The following SNX3 variants were observed in gnomAD, a reference collection of about 807,000 sequenced individuals.
SNX3 encodes sorting nexin 3, also known as sorting nexin-3.
In SNX3, 5 loss-of-function variants were observed where a neutral mutation model predicts 17.7. The ratio of observed to expected loss-of-function variants is 0.28; its 90% CI spans 0.15 to 0.59. The LOEUF (loss-of-function observed/expected upper bound fraction) is 0.59. SNX3 is among the 20% of genes least tolerant of loss of function. The probability of loss-of-function intolerance (pLI) is 0.88; values close to 1 mark genes in which losing one functional copy is unlikely to be tolerated. For missense variants in SNX3, 132 were observed against 206.8 expected, an observed-to-expected ratio of 0.64 and a Z score of 2.22; for synonymous variants, 91 against 76.5, an observed-to-expected ratio of 1.19 and a Z score of -0.99.
intron 3 of SNX3, 82 bp from the exon 4 acceptor site, chr6:108,212,336 C>T (rs1448974299): frequency 1.0e-6 from 1 of 976,094 alleles, no homozygotes; most frequent in Non-Finnish European, 1.5e-6. Flanking sequence ...AGTTGAGAAG[C>T]ATGTATAATT....
At chr6:108,249,713 C>T (rs767916972) in intron 1 of SNX3, among the ~76,000 whole-genome samples, 1 of 152,034 alleles carries the variant, frequency 6.6e-6, no homozygotes, top group Admixed American at 6.6e-5. Flanking sequence ...AGTGGGATGA[C>T]AACACAAAGT....
intron 1 of SNX3, among the ~76,000 whole-genome samples, chr6:108,225,105 C>T (rs1774935094): frequency 6.6e-6 from 1 of 151,926 alleles, no homozygotes; most frequent in South Asian, 2.1e-4. Flanking sequence ...ACAGGTGAAA[C>T]CTCGTTTCTA....
At chr6:108,240,356 T>C (rs1775478507) in intron 1 of SNX3, among the ~76,000 whole-genome samples, 2 of 152,128 alleles carry the variant, frequency 1.3e-5, no homozygotes. Flanking sequence ...GTAGCTGGGA[T>C]TACCGGCACC....
At chr6:108,231,206 C>A (rs1362093113) in intron 1 of SNX3, among the ~76,000 whole-genome samples, 1 of 152,020 alleles carries the variant, frequency 6.6e-6, no homozygotes, top group Non-Finnish European at 1.5e-5. Flanking sequence ...CTGCCTCAGC[C>A]TTCCGAGTAG....
At chr6:108,244,511 A>C (rs561571922) in intron 1 of SNX3, among the ~76,000 whole-genome samples, 3 of 152,280 alleles carry the variant, frequency 2.0e-5, no homozygotes, top group African/African-American at 7.2e-5. Flanking sequence ...ATAATATAAA[A>C]TTATTTTAAG....
At chr6:108,223,463 C>T (rs1042874189) in intron 1 of SNX3, among the ~76,000 whole-genome samples, 1 of 147,552 alleles carries the variant, frequency 6.8e-6, no homozygotes, top group Admixed American at 6.8e-5. Context: ...TTAATATGAC[C>T]TTTTACCCAT....
chr6:108,244,029 A>G (rs1775608384), intron 1 of SNX3, among the ~76,000 whole-genome samples: 1 of 152,246 alleles, frequency 6.6e-6, no homozygotes, highest in Non-Finnish European at 1.5e-5. Context: ...CAGATAAAGT[A>G]GACTGTAAAA....
At chr6:108,246,313 CTTTTTTTTTTTTTT>C (rs71015538) in intron 1 of SNX3, among the ~76,000 whole-genome samples, 22 of 47,972 alleles carry the variant, frequency 4.6e-4, no homozygotes, top group African/African-American at 1.6e-3. Context: ...TTTGAGCATT[CTTTTTTTTTTTTTT>C]TTTTTTTTTT....
chr6:108,234,361 T>C (rs1274846322), intron 1 of SNX3, among the ~76,000 whole-genome samples: 1 of 152,070 alleles, frequency 6.6e-6, no homozygotes, highest in Non-Finnish European at 1.5e-5. Flanking sequence ...AAGACCAGCC[T>C]GGCCAATATG....
rs1214547916 is a variant in SNX3, at chr6:108,260,879, G to A, written c.43C>T (p.Pro15Ser). ...CCGTAGGCGTCATTCAGGTTCTGCG[G>A]CTTGGTGATCAGCCGCCGGGTGTCA... The part of the protein sequence containing the change: ...VADTRRLITK[P>S]QNLNDAYGPP... Residue 15 changes from proline to serine, a missense_variant, in exon 1 of 4, where the codon CCG becomes TCG. Pro to Ser is a moderately conservative substitution (Grantham distance 74). Coordinates refer to ENST00000230085, the MANE Select transcript of SNX3 (RefSeq NM_003795.6). 6.2e-7 allele frequency: 1 copy of A among 1,611,410 alleles called. No individual in the cohort carries two copies. Among genetic ancestry groups the A allele is most frequent in the Non-Finnish European group, 8.5e-7 (1 of 1,178,772 alleles).
chr6:108,259,830 A>C (rs983467475), intron 1 of SNX3, among the ~76,000 whole-genome samples: 1 of 152,206 alleles, frequency 6.6e-6, no homozygotes, highest in Non-Finnish European at 1.5e-5. Flanking sequence ...AATTTTGATT[A>C]AAGGAAAAAT....
intron 1 of SNX3, among the ~76,000 whole-genome samples, chr6:108,247,108 G>A (rs1775715459): frequency 6.6e-6 from 1 of 152,108 alleles, no homozygotes; most frequent in African/African-American, 2.4e-5. Flanking sequence ...CACGAAAGCT[G>A]ACAGTTTATA....
At chr6:108,227,851 T>C (rs564419623) in intron 1 of SNX3, among the ~76,000 whole-genome samples, 44 of 152,194 alleles carry the variant, frequency 2.9e-4, no homozygotes, top group African/African-American at 1.1e-3. Flanking sequence ...TTTAAGGTAC[T>C]GAACTATCAC....
intron 1 of SNX3, among the ~76,000 whole-genome samples, chr6:108,255,744 C>T (rs566135559): frequency 6.6e-6 from 1 of 152,124 alleles, no homozygotes; most frequent in Admixed American, 6.5e-5. Context: ...AAATTTATTT[C>T]TCAGCTTCCA....
intron 2 of SNX3, among the ~76,000 whole-genome samples, chr6:108,218,840 C>T (rs1015175237): frequency 2.0e-5 from 3 of 152,140 alleles, no homozygotes; most frequent in African/African-American, 7.2e-5. Context: ...AGGTGGTTGC[C>T]ATAGGCTGAG....
chr6:108,215,206 C>T (rs1014732379), intron 2 of SNX3, among the ~76,000 whole-genome samples: 2 of 151,954 alleles, frequency 1.3e-5, no homozygotes, highest in Non-Finnish European at 2.9e-5. Flanking sequence ...AAAAATGAGC[C>T]GGGCGTGGTG....
Position 108,235,051 on chromosome 6 carries a change from T to C in SNX3, c.163-12006A>G, listed in dbSNP as rs557136033. Among the ~76,000 whole-genome samples, 9 of 152,344 alleles carry C rather than the reference T, an allele frequency of 5.9e-5. No individual in the cohort carries two copies. The South Asian group carries it at 1.9e-3, about 32-fold the overall frequency. ...AGAATGAGAAGGAACACTGCAGTAG[T>C]AGTAGCTACTTTGGTAGCCTACAAC... On this transcript the variant is annotated intron_variant, in intron 1 of 3. Transcript: ENST00000230085.
At chr6:108,248,168 C>T (rs1273627757) in intron 1 of SNX3, among the ~76,000 whole-genome samples, 1 of 152,166 alleles carries the variant, frequency 6.6e-6, no homozygotes, top group East Asian at 1.9e-4. Context: ...CCCACACACA[C>T]TCCTGGCCCC....
Position 108,246,313 on chromosome 6 carries a change from C to CTTTT in SNX3, c.162+14443_162+14446dup, listed in dbSNP as rs71015538. ...AATTCTTAAAAGAGCTTTGAGCATT[C>CTTTT]TTTTTTTTTTTTTTTTTTTTTTTTT... On this transcript the variant is annotated intron_variant, in intron 1 of 3. Transcript: ENST00000230085. Among the ~76,000 whole-genome samples the CTTTT allele has an allele frequency of 1.1e-3, 51 of 47,988 alleles. 6 individuals carry two copies. The highest frequency in any genetic ancestry group is 3.6e-3 in the African/African-American group (40 of 11,152). The allele number at this position is 47,988 out of a possible 152,430, so 31.5% of individuals were successfully genotyped here.
Sources: gnomAD v4.1 joint callset for allele counts (sites outside exome capture counted in the v4.1 genomes callset) on GRCh38, gnomAD v4.1.1 for gene constraint, MANE v1.5 for transcripts, NCBI Gene and HGNC (gene_info 2026-07-23, HGNC 2026-07-21) for gene names.